Variants in WDR59 observed in about 807,000 individuals in gnomAD.
WDR59 encodes WD repeat domain 59, also known as GATOR2 complex protein WDR59.
A neutral mutation model predicts 131.2 loss-of-function variants in WDR59; 100 were observed. The ratio of observed to expected loss-of-function variants is 0.76; its 90% CI spans 0.65 to 0.90. WDR59 has a LOEUF of 0.90. Ranked by LOEUF, WDR59 falls within the 40% of genes least tolerant of loss-of-function variation. WDR59 has a pLI of 0.00. For synonymous variants in WDR59, 601 were observed against 466.2 expected (o/e 1.29, Z -3.72); for missense variants, 1,203 against 1,262.2 (o/e 0.95, Z 0.71).
intron 22 of WDR59, 139 bp from the exon 23 acceptor site, chr16:74,887,894 G>T (rs1964845414): frequency 7.5e-6 from 7 of 927,468 alleles, no homozygotes; most frequent in Non-Finnish European, 1.1e-5. Context: ...AAGGAAGGTG[G>T]AACACCTGAG....
intron 1 of WDR59, among the ~76,000 whole-genome samples, chr16:74,981,660 A>ATATATATATTTTTTTTT (rs1567451007): frequency 1.2e-5 from 1 of 80,864 alleles, no homozygotes; most frequent in African/African-American, 7.4e-5. Flanking sequence ...ATATATATAT[A>ATATATATATTTTTTTTT]TTTTTTTTTT....
rs191548635 is a variant in WDR59 at position 74,923,877 on chromosome 16, G to A, written c.729+49C>T. 5,060 of 1,531,988 alleles carry A rather than the reference G, an allele frequency of 3.3e-3. 12 individuals carry two copies. The highest frequency in any genetic ancestry group is 4.2e-3 in the Non-Finnish European group (4,692 of 1,123,452). 94.9% of individuals were successfully genotyped at this position (1,531,988 alleles called of 1,614,324 possible). ...AATGTCCCCGGGCTCCTTCTTTTTG[G>A]AACACCCAAAAAGAAGTTTCTTATC... On this transcript the variant is annotated intron_variant, in intron 9 of 25. Transcript: ENST00000262144.
intron 2 of WDR59, among the ~76,000 whole-genome samples, chr16:74,957,691 T>C (rs945249767): frequency 1.3e-5 from 2 of 152,214 alleles, no homozygotes; most frequent in Non-Finnish European, 2.9e-5. Context: ...TTAAGTAAAA[T>C]ACCCTTGGTG....
chr16:74,903,464 G>A (rs1480643721), intron 18 of WDR59, among the ~76,000 whole-genome samples: 1 of 150,772 alleles, frequency 6.6e-6, no homozygotes, highest in African/African-American at 2.4e-5. Context: ...GGTCCACTCA[G>A]ATAGGTATTT....
chr16:74,881,042 C>T lies in WDR59; in HGVS notation c.2689+4611G>A, dbSNP rs1384206556. 1.1e-4 allele frequency among the ~76,000 whole-genome samples: 16 copies of T among 152,144 alleles called. 1 individual carries two copies. The highest frequency in any genetic ancestry group is 1.0e-3 in the Admixed American group (16 of 15,268). On this transcript the variant is annotated intron_variant, in intron 25 of 25. Transcript: ENST00000262144. ...TCTCCCCATGGGGTGGCTGGGAAAG[C>T]GATCGCTTTGCTCTGCCACCATTAA...
At chr16:74,900,506 C>G (rs868598317) in intron 18 of WDR59, among the ~76,000 whole-genome samples, 1 of 152,102 alleles carries the variant, frequency 6.6e-6, no homozygotes, top group Non-Finnish European at 1.5e-5. Flanking sequence ...GAGGTTGCAA[C>G]AATGTTTAAA....
intron 1 of WDR59, among the ~76,000 whole-genome samples, chr16:74,980,356 C>CTTTT (rs35672894): frequency 2.3e-5 from 3 of 132,572 alleles, no homozygotes; most frequent in Non-Finnish European, 4.9e-5. Flanking sequence ...AAATCTAAGT[C>CTTTT]TTTTTTTTTT....
chr16:74,913,996 C>G (rs1425230013), intron 13 of WDR59, among the ~76,000 whole-genome samples: 5 of 152,174 alleles, frequency 3.3e-5, no homozygotes, highest in Admixed American at 3.3e-4. Flanking sequence ...CAACTGACAT[C>G]AGGAGTTCGA....
At chr16:74,904,770 T>C (rs575433577) in intron 17 of WDR59, among the ~76,000 whole-genome samples, 3 of 152,230 alleles carry the variant, frequency 2.0e-5, no homozygotes, top group Admixed American at 6.5e-5. Context: ...CACTTAACTA[T>C]AGAAAAGTAC....
intron 1 of WDR59, among the ~76,000 whole-genome samples, chr16:74,969,558 A>G (rs1597811744): frequency 1.3e-5 from 2 of 149,600 alleles, no homozygotes; most frequent in Non-Finnish European, 3.0e-5. Context: ...GGTGTGAGCC[A>G]CTGCACCCGG....
At chr16:74,894,973 T>G (rs990037704) in intron 18 of WDR59, among the ~76,000 whole-genome samples, 7 of 152,262 alleles carry the variant, frequency 4.6e-5, no homozygotes, top group Non-Finnish European at 5.9e-5. Flanking sequence ...ATTGGACCAT[T>G]ATTTAGATTA....
At chr16:74,890,528 T>C (rs964929762) in intron 20 of WDR59, among the ~76,000 whole-genome samples, 2 of 152,304 alleles carry the variant, frequency 1.3e-5, no homozygotes, top group Non-Finnish European at 2.9e-5. Context: ...CTATAACACA[T>C]TTAAGATCTG....
chr16:74,901,880 C>G (rs1965571231), intron 18 of WDR59, among the ~76,000 whole-genome samples: 1 of 150,802 alleles, frequency 6.6e-6, no homozygotes, highest in Non-Finnish European at 1.5e-5. Context: ...CCCTTGGCCC[C>G]TACATAAACG....
At chr16:74,946,632 G>C (rs538918654) in intron 6 of WDR59, among the ~76,000 whole-genome samples, 47 of 152,192 alleles carry the variant, frequency 3.1e-4, no homozygotes, top group African/African-American at 1.1e-3. Context: ...GGAGGTGGGA[G>C]AAACGCTTGA....
At chr16:74,918,248 G>T (rs1352078994) in intron 10 of WDR59, among the ~76,000 whole-genome samples, 1 of 152,142 alleles carries the variant, frequency 6.6e-6, no homozygotes, top group Non-Finnish European at 1.5e-5. Context: ...CTGGTATAAA[G>T]AATAACACAG....
At chr16:74,878,813 T>G (rs1195476775) in intron 25 of WDR59, among the ~76,000 whole-genome samples, 1 of 152,226 alleles carries the variant, frequency 6.6e-6, no homozygotes, top group Non-Finnish European at 1.5e-5. Context: ...ACTGACTGAA[T>G]CCTTAGGAAA....
chr16:74,893,674 C>G lies in WDR59; in HGVS notation c.2000+5G>C, dbSNP rs1297712729. ...AGTGCAGCAGACTTGAAATTTTGTA[C>G]TTACATGTACAGCTCTCCCAGCGAT... is the stretch of plus-strand genomic sequence containing the variant. On this transcript the variant is annotated splice_donor_5th_base_variant and intron_variant, in intron 19 of 25. Coordinates refer to ENST00000262144, the MANE Select transcript of WDR59 (RefSeq NM_030581.4). 5 of 1,612,738 alleles carry G rather than the reference C, an allele frequency of 3.1e-6. No individual in the cohort carries two copies. Among genetic ancestry groups the G allele is most frequent in the Non-Finnish European group, 2.5e-6 (3 of 1,179,234 alleles).
intron 17 of WDR59, among the ~76,000 whole-genome samples, chr16:74,906,297 G>A (rs1242511303): frequency 3.2e-5 from 1 of 31,542 alleles, no homozygotes. Context: ...CTGAGCGACA[G>A]AGCAAGACTC....
At chr16:74,892,659 T>G (rs1965101847) in intron 19 of WDR59, 94 bp from the exon 20 acceptor site, 1 of 1,029,532 alleles carries the variant, frequency 9.7e-7, no homozygotes, top group African/African-American at 1.6e-5. Flanking sequence ...AACCTGACTC[T>G]TTGGTTATCA....
Sources: allele counts gnomAD v4.1 joint callset (sites outside exome capture counted in the v4.1 genomes callset), GRCh38; gene constraint gnomAD v4.1.1; transcripts MANE v1.5; gene names NCBI Gene and HGNC (gene_info 2026-07-23, HGNC 2026-07-21).